The following DPYD variants were observed in gnomAD, a reference collection of about 807,000 sequenced individuals.
DPYD encodes dihydropyrimidine dehydrogenase.
A neutral mutation model predicts 116.2 loss-of-function variants in DPYD; 109 were observed. The observed-to-expected ratio is 0.94, with a 90% CI of 0.80 to 1.10. The LOEUF (loss-of-function observed/expected upper bound fraction) is 1.10, where lower values mean the gene tolerates loss of function less well. Among genes scored for constraint, DPYD ranks in the 50% least tolerant of loss-of-function variants. DPYD has a pLI of 0.00. For synonymous variants in DPYD, 440 were observed against 432.0 expected (o/e 1.02, Z -0.23); for missense variants, 1,302 against 1,254.5 (o/e 1.04, Z -0.57).
intron 3 of DPYD, among the ~76,000 whole-genome samples, chr1:97,767,309 A>AT (rs1341012367): frequency 6.6e-6 from 1 of 152,044 alleles, no homozygotes; most frequent in African/African-American, 2.4e-5. Flanking sequence ...AAATGAGTCC[A>AT]TTTTTTTACC....
chr1:97,203,769 A>G (rs1659400763), intron 19 of DPYD, among the ~76,000 whole-genome samples: 1 of 133,552 alleles, frequency 7.5e-6, no homozygotes, highest in Non-Finnish European at 1.6e-5. Context: ...TGGTCACTCA[A>G]TAACTAAGCA....
intron 20 of DPYD, among the ~76,000 whole-genome samples, chr1:97,112,538 C>T (rs1651674732): frequency 1.3e-5 from 2 of 152,106 alleles, no homozygotes; most frequent in South Asian, 4.1e-4. Flanking sequence ...GAGCCTGCTA[C>T]CATGCTACTT....
intron 20 of DPYD, among the ~76,000 whole-genome samples, chr1:97,134,955 G>T (rs1049968894): frequency 2.0e-5 from 3 of 148,632 alleles, no homozygotes; most frequent in Non-Finnish European, 4.4e-5. Context: ...TACCTAGTGG[G>T]TTACTCTTTC....
chr1:97,371,667 A>G (rs78735515), intron 16 of DPYD, among the ~76,000 whole-genome samples: 6,823 of 152,300 alleles, frequency 0.045, 263 homozygotes, highest in East Asian at 0.17. Flanking sequence ...TGGAACATTC[A>G]TGTGTCCTCA....
chr1:97,874,807 T>A (rs1480102711), intron 2 of DPYD, among the ~76,000 whole-genome samples: 1 of 151,948 alleles, frequency 6.6e-6, no homozygotes, highest in Non-Finnish European at 1.5e-5. Flanking sequence ...ATTTTCTGCC[T>A]TCTCTCTGTA....
chr1:97,915,012 G>A (rs780096286), intron 1 of DPYD, among the ~76,000 whole-genome samples: 16 of 152,022 alleles, frequency 1.1e-4, no homozygotes, highest in Non-Finnish European at 1.5e-4. Context: ...CATGATAGAC[G>A]CAGTAATAAC....
intron 14 of DPYD, among the ~76,000 whole-genome samples, chr1:97,427,154 G>A (rs145927964): frequency 4.6e-5 from 7 of 152,136 alleles, no homozygotes; most frequent in African/African-American, 1.7e-4. Context: ...CAAAAGGAGG[G>A]CTATATATCC....
At chr1:97,215,886 ACT>A (rs1660351614) in intron 19 of DPYD, among the ~76,000 whole-genome samples, 1 of 151,962 alleles carries the variant, frequency 6.6e-6, no homozygotes, top group Non-Finnish European at 1.5e-5. Flanking sequence ...ATGACTACAG[ACT>A]CTCTTTCAAC....
At chr1:97,254,458 A>G (rs1365795136) in intron 18 of DPYD, among the ~76,000 whole-genome samples, 1 of 152,142 alleles carries the variant, frequency 6.6e-6, no homozygotes, top group Non-Finnish European at 1.5e-5. Flanking sequence ...AAAAAACTGT[A>G]TTTAACCATT....
At chr1:97,721,940 G>C (rs950424996) in intron 4 of DPYD, among the ~76,000 whole-genome samples, 1 of 151,540 alleles carries the variant, frequency 6.6e-6, no homozygotes. Context: ...TAAATGTTCT[G>C]TAAATGGTTT....
chr1:97,498,325 A>G (rs1679386818), intron 13 of DPYD, among the ~76,000 whole-genome samples: 1 of 151,846 alleles, frequency 6.6e-6, no homozygotes, highest in South Asian at 2.1e-4. Context: ...AATTATAAAA[A>G]CAAATAATTC....
At chr1:97,161,508 A>T in intron 20 of DPYD, among the ~76,000 whole-genome samples, 1 of 152,150 alleles carries the variant, frequency 6.6e-6, no homozygotes, top group East Asian at 1.9e-4. Flanking sequence ...TATACTTGGA[A>T]TATACAGAGA....
intron 2 of DPYD, among the ~76,000 whole-genome samples, chr1:97,862,181 T>C (rs1365820743): frequency 3.3e-5 from 5 of 151,816 alleles, no homozygotes; most frequent in African/African-American, 1.2e-4. Flanking sequence ...TATACCAGAG[T>C]ATATGTACGA....
chr1:97,627,846 T>C (rs915032297), intron 8 of DPYD, among the ~76,000 whole-genome samples: 21 of 151,466 alleles, frequency 1.4e-4, no homozygotes, highest in Admixed American at 9.2e-4. Context: ...AAAACACATA[T>C]ACATATACAA....
At chr1:97,155,967 T>C (rs1039469659) in intron 20 of DPYD, among the ~76,000 whole-genome samples, 3 of 150,614 alleles carry the variant, frequency 2.0e-5, no homozygotes, top group African/African-American at 4.9e-5. Flanking sequence ...AGCTGTGGAG[T>C]TGGGCCTGAG....
Position 97,119,601 on chromosome 1 carries a change from G to T in DPYD, c.2623-20969C>A, listed in dbSNP as rs544641467. 1.8e-4 allele frequency among the ~76,000 whole-genome samples: 28 copies of T among 152,242 alleles called. No homozygotes were observed. In the East Asian group the frequency reaches 2.1e-3, roughly 12 times the overall value. On this transcript the variant is annotated intron_variant, in intron 20 of 22. Coordinates refer to ENST00000370192, the MANE Select transcript of DPYD (RefSeq NM_000110.4). Reference sequence around the variant, plus strand: ...ACCTTTCTGGCATGAATGTGCAACTGCTGTGAGGATCCAGTAAAAGGTCTT... The same window carrying T: ...ACCTTTCTGGCATGAATGTGCAACTTCTGTGAGGATCCAGTAAAAGGTCTT...
chr1:97,522,703 G>C (rs976130267), intron 12 of DPYD, among the ~76,000 whole-genome samples: 3 of 137,914 alleles, frequency 2.2e-5, no homozygotes, highest in Non-Finnish European at 3.1e-5. Context: ...TGGGCAACAA[G>C]TGAGACTCTG....
intron 12 of DPYD, among the ~76,000 whole-genome samples, chr1:97,522,673 C>G (rs1014922949): frequency 6.6e-6 from 1 of 150,966 alleles, no homozygotes; most frequent in Non-Finnish European, 1.5e-5. Context: ...GTGCCAAGAT[C>G]ACGCCACTGC....
intron 5 of DPYD, among the ~76,000 whole-genome samples, chr1:97,703,745 T>C (rs954665864): frequency 1.3e-5 from 2 of 152,050 alleles, no homozygotes; most frequent in African/African-American, 2.4e-5. Flanking sequence ...AAACATATAA[T>C]GCAATAGATA....
Sources: gnomAD v4.1 joint callset for allele counts (sites outside exome capture counted in the v4.1 genomes callset) on GRCh38, gnomAD v4.1.1 for gene constraint, MANE v1.5 for transcripts, NCBI Gene and HGNC (gene_info 2026-07-23, HGNC 2026-07-21) for gene names.